Variants in IL18 observed in about 807,000 individuals in gnomAD.
IL18 encodes the protein interleukin-18.
A neutral mutation model predicts 14.2 loss-of-function variants in IL18; 8 were observed. The ratio of observed to expected loss-of-function variants is 0.56; its 90% CI spans 0.33 to 1.01. IL18 has a LOEUF of 1.01. Ranked by LOEUF, IL18 falls within the 50% of genes least tolerant of loss-of-function variation. The pLI, the probability that IL18 is intolerant of heterozygous loss-of-function variation, is 0.03. For missense variants in IL18, 166 were observed against 231.1 expected, an observed-to-expected ratio of 0.72 and a Z score of 1.83; for synonymous variants, 67 against 71.0, an observed-to-expected ratio of 0.94 and a Z score of 0.28.
At chr11:112,146,461 C>CAGGT (rs1866344852) in intron 5 of IL18, among the ~76,000 whole-genome samples, 1 of 152,188 alleles carries the variant, frequency 6.6e-6, no homozygotes, top group Non-Finnish European at 1.5e-5. Flanking sequence ...GCTGGGATTA[C>CAGGT]AGGTGCATGC....
At chr11:112,145,238 TGG>T (rs1866316070) in intron 5 of IL18, among the ~76,000 whole-genome samples, 1 of 152,222 alleles carries the variant, frequency 6.6e-6, no homozygotes, top group Non-Finnish European at 1.5e-5. Flanking sequence ...TCAACAAGTG[TGG>T]GTCCTAAGTT....
intron 3 of IL18, among the ~76,000 whole-genome samples, chr11:112,151,439 A>ATAT (rs1255974100): frequency 6.6e-6 from 1 of 152,098 alleles, no homozygotes; most frequent in African/African-American, 2.4e-5. Context: ...TTTATCTTTC[A>ATAT]TATTATTATC....
At chr11:112,155,125 C>A in intron 1 of IL18, 64 bp from the exon 2 acceptor site, 1 of 960,284 alleles carries the variant, frequency 1.0e-6, no homozygotes, top group South Asian at 1.4e-5. Flanking sequence ...CTACTTTATA[C>A]TACCTTCAAG....
At chr11:112,159,164 C>T (rs140074533) in intron 1 of IL18, among the ~76,000 whole-genome samples, 2 of 151,962 alleles carry the variant, frequency 1.3e-5, no homozygotes, top group Non-Finnish European at 2.9e-5. Context: ...ACCAGCCTGA[C>T]CAACATGGTG....
At chr11:112,147,600 G>T (rs1262524085) in intron 5 of IL18, among the ~76,000 whole-genome samples, 1 of 152,184 alleles carries the variant, frequency 6.6e-6, no homozygotes. Context: ...TCACCTGAAG[G>T]GGTGGCACTC....
chr11:112,145,235 G>A (rs778149727), intron 5 of IL18, among the ~76,000 whole-genome samples: 18 of 152,222 alleles, frequency 1.2e-4, no homozygotes, highest in Non-Finnish European at 2.4e-4. Context: ...TTATCAACAA[G>A]TGTGGGTCCT....
rs200664941 is a variant in IL18, at chr11:112,150,047, T to C, written c.226+25A>G. 10 of 1,583,822 alleles carry C rather than the reference T, an allele frequency of 6.3e-6. No individual in the cohort carries two copies. The South Asian group carries it at 1.2e-4, about 18-fold the overall frequency. ...ATGGGAAGAAGTAGCTAGTCATTTC[T>C]ATGTTTGCGAATTAAAAAAAATACC... On this transcript the variant is annotated intron_variant, in intron 4 of 5. Transcript: ENST00000280357.
intron 3 of IL18, chr11:112,150,625 T>C (rs141238461): frequency 1.2e-4 from 19 of 155,866 alleles, no homozygotes; most frequent in African/African-American, 4.3e-4. Context: ...GCCAGGATAT[T>C]AAATCCCTAA....
At chr11:112,158,754 T>C (rs1866578703) in intron 1 of IL18, among the ~76,000 whole-genome samples, 1 of 152,150 alleles carries the variant, frequency 6.6e-6, no homozygotes, top group Admixed American at 6.6e-5. Context: ...TATAACTCAT[T>C]TGACCTGACA....
chr11:112,146,571 G>A (rs1016748282), intron 5 of IL18, among the ~76,000 whole-genome samples: 1 of 152,066 alleles, frequency 6.6e-6, no homozygotes. Context: ...TGAGACACTC[G>A]CCTTGCCCTC....
Position 112,143,563 on chromosome 11 carries a change from T to A in IL18, c.*33A>T, listed in dbSNP as rs1237982835. The A allele has an allele frequency of 6.9e-7, 1 of 1,459,060 alleles. No homozygotes were observed. The highest frequency in any genetic ancestry group is 1.9e-5 in the Admixed American group (1 of 53,736). 90.4% of individuals were successfully genotyped at this position (1,459,060 alleles called of 1,614,324 possible). The stretch of plus-strand genomic sequence containing the variant: ...TCCCAAAGGGCTGGGATTACAGGCG[T>A]GAGCCACTGCGCCCGGCATGAAATT... On this transcript the variant is annotated 3_prime_UTR_variant, in exon 6 of 6. Coordinates refer to ENST00000280357, the MANE Select transcript of IL18 (RefSeq NM_001562.4).
chr11:112,145,130 A>AT (rs5744284), intron 5 of IL18, among the ~76,000 whole-genome samples: 146,059 of 152,306 alleles, frequency 0.96, 70,127 homozygotes, highest in East Asian at 1. Flanking sequence ...TCCTTCAAAG[A>AT]GCCTGAAAGA....
At chr11:112,146,179 G>GTA in intron 5 of IL18, among the ~76,000 whole-genome samples, 2 of 151,824 alleles carry the variant, frequency 1.3e-5, no homozygotes. Context: ...ACATGTATAT[G>GTA]TATATATATG....
intron 5 of IL18, among the ~76,000 whole-genome samples, chr11:112,145,725 C>T (rs188996204): frequency 1.3e-4 from 20 of 149,626 alleles, no homozygotes; most frequent in East Asian, 5.9e-4. Flanking sequence ...GGCGACAGAG[C>T]GAGACTCCGT....
intron 3 of IL18, among the ~76,000 whole-genome samples, chr11:112,151,307 A>G (rs1032742778): frequency 1.3e-5 from 2 of 152,188 alleles, no homozygotes; most frequent in Non-Finnish European, 2.9e-5. Flanking sequence ...CAGCTTAGGT[A>G]TAGTACAATC....
chr11:112,151,362 TAGAA>T (rs543440330), intron 3 of IL18, among the ~76,000 whole-genome samples: 148 of 152,278 alleles, frequency 9.7e-4, no homozygotes, highest in African/African-American at 3.5e-3. Context: ...TATATATACA[TAGAA>T]AGGAGTGTAG....
chr11:112,153,502 T>G (rs1866482661), intron 3 of IL18, 90 bp downstream of exon 3: 2 of 838,438 alleles, frequency 2.4e-6, no homozygotes, highest in Admixed American at 3.1e-5. Flanking sequence ...GAGAACCATT[T>G]TTTTTTTTCC....
intron 5 of IL18, 123 bp downstream of exon 5, chr11:112,148,480 T>C (rs1866379091): frequency 2.4e-6 from 1 of 423,266 alleles, no homozygotes; most frequent in African/African-American, 2.1e-5. Context: ...AGACAAAAGG[T>C]TGGTCTGAGG....
chr11:112,143,433 A>C lies in IL18; in HGVS notation c.*163T>G, dbSNP rs1866279447. On this transcript the variant is annotated 3_prime_UTR_variant, in exon 6 of 6. Coordinates refer to ENST00000280357, the MANE Select transcript of IL18 (RefSeq NM_001562.4). ...GTAGCTGGGATTGAGGGCATGCGTC[A>C]CTACACTCAGCTAATTTTTTGTATT... is the stretch of plus-strand genomic sequence containing the variant. The C allele has an allele frequency of 3.6e-6, 2 of 553,580 alleles. No homozygotes were observed. The highest frequency in any genetic ancestry group is 6.4e-5 in the Admixed American group (2 of 31,076). 34.3% of individuals were successfully genotyped at this position (553,580 alleles called of 1,614,324 possible). A position where few individuals can be genotyped will look rare whatever the true frequency, so the allele number is the denominator to read the frequency against.
Sources: gnomAD v4.1 joint callset for allele counts (sites outside exome capture counted in the v4.1 genomes callset) on GRCh38, gnomAD v4.1.1 for gene constraint, MANE v1.5 for transcripts, NCBI Gene and HGNC (gene_info 2026-07-23, HGNC 2026-07-21) for gene names.